ASH1L: variants seen among roughly 807,000 people sequenced by gnomAD.
The protein encoded by ASH1L is ASH1 like histone lysine methyltransferase, also known as histone-lysine N-methyltransferase ASH1L.
ASH1L carries 23 observed loss-of-function variants against 269.0 expected under a neutral mutation model. The observed-to-expected ratio is 0.09, with a 90% CI of 0.06 to 0.12. ASH1L has a LOEUF of 0.12. ASH1L is among the 10% of genes least tolerant of loss of function. The pLI is 1.00. For synonymous variants in ASH1L, 1,187 were observed against 1,253.5 expected, an observed-to-expected ratio of 0.95 and a Z score of 1.12; for missense variants, 2,912 against 3,567.8, an observed-to-expected ratio of 0.82 and a Z score of 4.68.
At chr1:155,361,327 A>C (rs1321822889) in intron 12 of ASH1L, among the ~76,000 whole-genome samples, 1 of 151,106 alleles carries the variant, frequency 6.6e-6, no homozygotes, top group Non-Finnish European at 1.5e-5. Flanking sequence ...GACCAGCCTG[A>C]CCAATATGGT....
At chr1:155,549,944 C>T (rs1671080884) in intron 1 of ASH1L, among the ~76,000 whole-genome samples, 2 of 152,168 alleles carry the variant, frequency 1.3e-5, no homozygotes, top group African/African-American at 4.8e-5. Flanking sequence ...ATTATCTCCA[C>T]TACCTCCAAA....
At chr1:155,400,242 G>A (rs1658713673) in intron 6 of ASH1L, among the ~76,000 whole-genome samples, 1 of 151,410 alleles carries the variant, frequency 6.6e-6, no homozygotes, top group African/African-American at 2.4e-5. Context: ...CTGAGAAGGA[G>A]AATCGCTTGA....
chr1:155,496,830 A>T (rs1045118899), intron 2 of ASH1L, among the ~76,000 whole-genome samples: 1 of 150,956 alleles, frequency 6.6e-6, no homozygotes, highest in African/African-American at 2.4e-5. Flanking sequence ...TTTTGTAGAG[A>T]GGTGGGGGTC....
intron 2 of ASH1L, among the ~76,000 whole-genome samples, chr1:155,494,545 TA>T (rs1667027075): frequency 6.6e-6 from 1 of 152,164 alleles, no homozygotes; most frequent in African/African-American, 2.4e-5. Flanking sequence ...TGGCAAGTGT[TA>T]GGGGATAAAC....
intron 25 of ASH1L, 78 bp from the exon 26 acceptor site, chr1:155,339,446 A>G: frequency 7.3e-7 from 1 of 1,378,768 alleles, no homozygotes; most frequent in South Asian, 1.2e-5. Flanking sequence ...CAGTCAGGAT[A>G]AGGAACACAG....
intron 7 of ASH1L, among the ~76,000 whole-genome samples, chr1:155,391,656 T>C (rs745549661): frequency 6.6e-6 from 1 of 152,168 alleles, no homozygotes; most frequent in Non-Finnish European, 1.5e-5. Flanking sequence ...TATTATCCTA[T>C]GAAAATAACT....
chr1:155,507,687 CACA>C (rs997179005), intron 2 of ASH1L, among the ~76,000 whole-genome samples: 3 of 152,122 alleles, frequency 2.0e-5, no homozygotes, highest in African/African-American at 7.2e-5. Flanking sequence ...GCCTGGGCAA[CACA>C]ACAAGACACT....
rs189316008 is a variant in ASH1L, at chr1:155,360,116, C to T, written c.6795+185G>A. 5.9e-5 allele frequency among the ~76,000 whole-genome samples: 9 copies of T among 152,212 alleles called. No homozygotes were observed. In the East Asian group the frequency reaches 1.5e-3, roughly 26 times the overall value. ...TGTTGGCCAGGCTGGTCTTGAAATT[C>T]TGAGCTCAAGTGATCTGCCCACATC... On this transcript the variant is annotated intron_variant, in intron 13 of 27. Transcript: ENST00000392403.
intron 12 of ASH1L, 98 bp from the exon 13 acceptor site, chr1:155,360,507 G>A (rs1483578453): frequency 1.3e-5 from 9 of 696,574 alleles, no homozygotes; most frequent in East Asian, 5.6e-5. Context: ...GCAGTGGTGC[G>A]ATCTTGGCTC....
chr1:155,388,273 T>G (rs1657607586), intron 7 of ASH1L, among the ~76,000 whole-genome samples: 1 of 152,132 alleles, frequency 6.6e-6, no homozygotes. Context: ...CAATGACAAC[T>G]GTACCAGTGA....
chr1:155,519,262 C>A (rs938240902), intron 2 of ASH1L, among the ~76,000 whole-genome samples: 4 of 151,932 alleles, frequency 2.6e-5, no homozygotes, highest in Non-Finnish European at 5.9e-5. Flanking sequence ...TGGAGAAACC[C>A]CATCTCTACT....
At chr1:155,413,083 C>A (rs1293088953) in intron 6 of ASH1L, among the ~76,000 whole-genome samples, 1 of 152,004 alleles carries the variant, frequency 6.6e-6, no homozygotes, top group South Asian at 2.1e-4. Context: ...TATTTCTGCT[C>A]TATTTAGCAG....
At chr1:155,408,582 C>G (rs1400240750) in intron 6 of ASH1L, among the ~76,000 whole-genome samples, 1 of 152,030 alleles carries the variant, frequency 6.6e-6, no homozygotes, top group African/African-American at 2.4e-5. Flanking sequence ...CTCACTACTC[C>G]GAACAGCAGA....
At chr1:155,348,940 A>ACACACACACACG (rs1233244057) in intron 19 of ASH1L, among the ~76,000 whole-genome samples, 1 of 150,840 alleles carries the variant, frequency 6.6e-6, no homozygotes, top group African/African-American at 2.4e-5. Flanking sequence ...ACACACACAC[A>ACACACACACACG]CACACATATA....
intron 4 of ASH1L, among the ~76,000 whole-genome samples, chr1:155,457,926 T>C (rs1663989189): frequency 1.3e-5 from 2 of 152,152 alleles, no homozygotes; most frequent in Non-Finnish European, 2.9e-5. Flanking sequence ...GGCCAGAGAG[T>C]AAATATTTTA....
At chr1:155,443,640 C>T (rs188821253) in intron 4 of ASH1L, among the ~76,000 whole-genome samples, 18 of 152,226 alleles carry the variant, frequency 1.2e-4, no homozygotes, top group African/African-American at 4.1e-4. Flanking sequence ...TGATCTGCTT[C>T]CTGTTATATA....
chr1:155,557,090 TGTATGTCTGAGGGCAAATGACTA>T (rs1671645825), intron 1 of ASH1L, among the ~76,000 whole-genome samples: 1 of 152,022 alleles, frequency 6.6e-6, no homozygotes, highest in Non-Finnish European at 1.5e-5. Flanking sequence ...CATCAACTTG[TGTATGTCTGAGGGCAAATGACTA>T]AAGACTATGA....
At chr1:155,342,591 C>A (rs1393481844) in intron 24 of ASH1L, among the ~76,000 whole-genome samples, 1 of 152,208 alleles carries the variant, frequency 6.6e-6, no homozygotes, top group Non-Finnish European at 1.5e-5. Flanking sequence ...GTCTAGGCAA[C>A]TGAACTCTGC....
intron 4 of ASH1L, among the ~76,000 whole-genome samples, chr1:155,449,482 T>C (rs1680351855): frequency 6.6e-6 from 1 of 152,124 alleles, no homozygotes; most frequent in Admixed American, 6.5e-5. Flanking sequence ...CTTGGTATAA[T>C]TCCACACGCA....
Sources: allele counts gnomAD v4.1 joint callset (sites outside exome capture counted in the v4.1 genomes callset), GRCh38; gene constraint gnomAD v4.1.1; transcripts MANE v1.5; gene names NCBI Gene and HGNC (gene_info 2026-07-23, HGNC 2026-07-21).